TBX20: variants seen among roughly 807,000 people sequenced by gnomAD.
TBX20 encodes the protein T-box transcription factor 20, also known as T-box transcription factor TBX20.
TBX20 carries 8 observed loss-of-function variants against 42.9 expected under a neutral mutation model. That is an observed-to-expected ratio of 0.19 (90% CI 0.11 to 0.34). The LOEUF is 0.34. Among genes scored for constraint, TBX20 ranks in the 10% least tolerant of loss-of-function variants. The pLI is 1.00. For synonymous variants in TBX20, 198 were observed against 222.8 expected, an observed-to-expected ratio of 0.89 and a Z score of 0.99; for missense variants, 411 against 566.0, an observed-to-expected ratio of 0.73 and a Z score of 2.78.
At position 35,204,464 on chromosome 7, in the gene TBX20, C is replaced by T. The variant is rs761929372; in HGVS notation, c.1003+6G>A. 1.2e-6 allele frequency: 2 copies of T among 1,606,570 alleles called. No homozygotes were observed. Among genetic ancestry groups the T allele is most frequent in the Non-Finnish European group, 1.7e-6 (2 of 1,173,448 alleles). ...AGCAATTCCATGGCCTTGGAAACTA[C>T]CTTACCTCGATTTGGGGTTGTCTGA... On this transcript the variant is annotated splice_donor_region_variant and intron_variant, in intron 7 of 7. Coordinates refer to ENST00000408931, the MANE Select transcript of TBX20 (RefSeq NM_001077653.2).
At chr7:35,219,828 C>A (rs1016449114) in intron 6 of TBX20, among the ~76,000 whole-genome samples, 3 of 152,218 alleles carry the variant, frequency 2.0e-5, no homozygotes. Context: ...CCTAAAGTCT[C>A]CTTCCTCACC....
At chr7:35,238,930 T>C (rs1337560713) in intron 5 of TBX20, among the ~76,000 whole-genome samples, 1 of 151,864 alleles carries the variant, frequency 6.6e-6, no homozygotes, top group Admixed American at 6.6e-5. Context: ...TTTTTTGACA[T>C]TTCTGAGACA....
At chr7:35,226,404 C>CA (rs375521286) in intron 6 of TBX20, among the ~76,000 whole-genome samples, 15,665 of 80,894 alleles carry the variant, frequency 0.19, 1,093 homozygotes, top group Admixed American at 0.33. Flanking sequence ...GTGAACAATC[C>CA]AAAAAAAAAA....
intron 5 of TBX20, among the ~76,000 whole-genome samples, chr7:35,233,486 A>T (rs1789906244): frequency 6.6e-6 from 1 of 152,248 alleles, no homozygotes; most frequent in Non-Finnish European, 1.5e-5. Flanking sequence ...TAAGACATAT[A>T]TATGAAGAGA....
chr7:35,204,534 G>A lies in TBX20; in HGVS notation c.939C>T (p.Pro313=), dbSNP rs1789367604. The part of the protein sequence containing the change: ...LIQKHSYARS[P]IRTYGGEEDV... ...CTTCTTCTCCTCCGTAGGTACGGATGGGTGAGCGTGCATAGGAATGCTTTT... is the reference window on the plus strand; with the variant it reads ...CTTCTTCTCCTCCGTAGGTACGGATAGGTGAGCGTGCATAGGAATGCTTTT... Residue 313 remains proline (P), a synonymous_variant, in exon 7 of 8, where the codon CCC becomes CCT. Coordinates refer to ENST00000408931, the MANE Select transcript of TBX20 (RefSeq NM_001077653.2). The A allele has an allele frequency of 1.2e-6, 2 of 1,614,052 alleles. No homozygotes were observed. The highest frequency in any genetic ancestry group is 2.2e-5 in the East Asian group (1 of 44,876).
In TBX20 at chr7:35,253,904, G is replaced by T; in HGVS notation, c.-284C>A. 3 of 445,568 alleles carry T rather than the reference G, an allele frequency of 6.7e-6. No homozygotes were observed. The highest frequency in any genetic ancestry group is 3.8e-5 in the Admixed American group (1 of 26,098). The allele number at this position is 445,568 out of a possible 1,614,324, so 27.6% of individuals were successfully genotyped here. On this transcript the variant is annotated 5_prime_UTR_variant, in exon 1 of 8. An upstream open reading frame in the 5' UTR gains an earlier in-frame stop. Coordinates refer to ENST00000408931, the MANE Select transcript of TBX20 (RefSeq NM_001077653.2). ...CACGCCCCGGGGCGCTCGGCAGGAC[G>T]ACAGTCTGCACAGCCCGAAGGCGGA...
intron 5 of TBX20, 145 bp downstream of exon 5, chr7:35,240,734 A>G (rs1368595794): frequency 1.5e-6 from 1 of 651,822 alleles, no homozygotes; most frequent in African/African-American, 2.8e-5. Context: ...ACACACTCTT[A>G]GAGTTCCTAG....
intron 1 of TBX20, among the ~76,000 whole-genome samples, chr7:35,251,803 T>C (rs1790310770): frequency 6.6e-6 from 1 of 152,250 alleles, no homozygotes; most frequent in South Asian, 2.1e-4. Flanking sequence ...ACATTCTCTC[T>C]TAACAGAACT....
Position 35,253,873 on chromosome 7 carries a change from G to A in TBX20, c.-253C>T. The A allele has an allele frequency of 2.0e-6, 1 of 509,838 alleles. No individual in the cohort carries two copies. The highest frequency in any genetic ancestry group is 2.5e-5 in the South Asian group (1 of 40,690). The allele number at this position is 509,838 out of a possible 1,614,324, so 31.6% of individuals were successfully genotyped here. A position where few individuals can be genotyped will look rare whatever the true frequency, so the allele number is the denominator to read the frequency against. On this transcript the variant is annotated 5_prime_UTR_variant, in exon 1 of 8. Transcript: ENST00000408931. ...AGAGGGCCCACCGAGCACTACGGCG[G>A]GTGCGCACGCCCCGGGGCGCTCGGC... is the stretch of plus-strand genomic sequence containing the variant.
At chr7:35,240,633 TG>T (rs1177984114) in intron 5 of TBX20, among the ~76,000 whole-genome samples, 2 of 152,020 alleles carry the variant, frequency 1.3e-5, no homozygotes, top group Admixed American at 6.6e-5. Context: ...GAAGGCAGAT[TG>T]GGGTAGGTGT....
At chr7:35,236,801 T>G (rs370913688) in intron 5 of TBX20, among the ~76,000 whole-genome samples, 18 of 152,298 alleles carry the variant, frequency 1.2e-4, no homozygotes, top group African/African-American at 4.1e-4. Context: ...AATTCTGAAT[T>G]TAGTCACTTC....
intron 3 of TBX20, among the ~76,000 whole-genome samples, chr7:35,248,086 C>T (rs1790229676): frequency 6.6e-6 from 1 of 152,052 alleles, no homozygotes; most frequent in South Asian, 2.1e-4. Flanking sequence ...GTAAAAGAAC[C>T]AGTTATTGAA....
chr7:35,223,112 T>C (rs1324400250), intron 6 of TBX20, among the ~76,000 whole-genome samples: 1 of 668 alleles, frequency 1.5e-3, no homozygotes, highest in Admixed American at 0.026. Context: ...GTTGACAAGA[T>C]GAGTTAATGT....
chr7:35,213,877 CAAAAAAAAA>C lies in TBX20; in HGVS notation c.891-9304_891-9296del, dbSNP rs59548164. On this transcript the variant is annotated intron_variant, in intron 6 of 7. Transcript: ENST00000408931. ...TATGAACAAGGAATTGCAGAGATAG[CAAAAAAAAA>C]AAAAAAAAAAAAAAATTCCCTGTCT... 1.3e-3 allele frequency among the ~76,000 whole-genome samples: 77 copies of C among 59,778 alleles called. 1 individual carries two copies. Among genetic ancestry groups the C allele is most frequent in the African/African-American group, 4.1e-3 (61 of 14,790 alleles). 39.2% of individuals were successfully genotyped at this position (59,778 alleles called of 152,430 possible).
rs770883766 is a variant in TBX20, at chr7:35,253,668, C to T, written c.-48G>A. On this transcript the variant is annotated 5_prime_UTR_variant, in exon 1 of 8. Transcript: ENST00000408931. ...CCAGGGACGGGGTCGTCCGAACTGC[C>T]GTCCAGATTCCCCAAGGGAGACAAA... is the stretch of plus-strand genomic sequence containing the variant. The T allele has an allele frequency of 6.3e-7, 1 of 1,596,924 alleles. No homozygotes were observed. The highest frequency in any genetic ancestry group is 2.2e-5 in the East Asian group (1 of 44,692).
intron 1 of TBX20, among the ~76,000 whole-genome samples, 190 bp from the exon 2 acceptor site, chr7:35,250,393 C>T (rs1377057059): frequency 6.6e-6 from 1 of 152,176 alleles, no homozygotes; most frequent in African/African-American, 2.4e-5. Flanking sequence ...GAGTAGCATG[C>T]CCAGTGTTTC....
At chr7:35,209,807 AGTAAT>A (rs1388328596) in intron 6 of TBX20, among the ~76,000 whole-genome samples, 2 of 152,198 alleles carry the variant, frequency 1.3e-5, no homozygotes, top group African/African-American at 4.8e-5. Flanking sequence ...ATTTTCTGGA[AGTAAT>A]GTTTTAGCAG....
At chr7:35,242,427 G>A (rs1790101257) in intron 4 of TBX20, among the ~76,000 whole-genome samples, 1 of 152,096 alleles carries the variant, frequency 6.6e-6, no homozygotes, top group Admixed American at 6.5e-5. Flanking sequence ...AGGATTTCAA[G>A]CGATTGATCC....
chr7:35,222,978 T>C (rs1294020001), intron 6 of TBX20, among the ~76,000 whole-genome samples: 3 of 151,768 alleles, frequency 2.0e-5, no homozygotes, highest in South Asian at 2.1e-4. Flanking sequence ...CCAATAAGAG[T>C]GGAGGCAGAG....
Sources: allele counts gnomAD v4.1 joint callset (sites outside exome capture counted in the v4.1 genomes callset), GRCh38; gene constraint gnomAD v4.1.1; transcripts MANE v1.5; gene names NCBI Gene and HGNC (gene_info 2026-07-23, HGNC 2026-07-21).